Variants in ARK2C observed in about 807,000 individuals in gnomAD.
The protein encoded by ARK2C is arkadia (RNF111) C-terminal like ring finger ubiquitin ligase 2C, also known as E3 ubiquitin-protein ligase ARK2C.
chr18:46,433,336 C>T, the ARK2C span: 1 of 1,612,568 alleles, frequency 6.2e-7, no homozygotes, highest in Non-Finnish European at 8.5e-7. Context: ...CCACATGGCC[C>T]CGGCCCACCA....
At chr18:46,348,725 G>A in the ARK2C span, among the ~76,000 whole-genome samples, 4 of 152,266 alleles carry the variant, frequency 2.6e-5, no homozygotes, top group African/African-American at 9.6e-5. Context: ...CTGCAGAAAG[G>A]TTACATATTC....
chr18:46,411,605 G>A, the ARK2C span, among the ~76,000 whole-genome samples: 1 of 152,214 alleles, frequency 6.6e-6, no homozygotes, highest in Non-Finnish European at 1.5e-5. Flanking sequence ...ATGTGTACTA[G>A]TTTCCTGTCC....
At chr18:46,374,069 T>A in the ARK2C span, among the ~76,000 whole-genome samples, 1 of 152,274 alleles carries the variant, frequency 6.6e-6, no homozygotes. Flanking sequence ...GGGGCATTCT[T>A]GTCATCCCTG....
the ARK2C span, among the ~76,000 whole-genome samples, chr18:46,443,639 G>A: frequency 6.6e-6 from 1 of 152,152 alleles, no homozygotes; most frequent in Admixed American, 6.5e-5. Context: ...TTCACCTATT[G>A]TTTATGGCTG....
At chr18:46,372,699 C>T in the ARK2C span, among the ~76,000 whole-genome samples, 3 of 152,212 alleles carry the variant, frequency 2.0e-5, no homozygotes, top group Admixed American at 6.5e-5. Context: ...TGAGCCTTCT[C>T]GGGCTCTGGC....
chr18:46,422,691 G>C, the ARK2C span, among the ~76,000 whole-genome samples: 42 of 152,322 alleles, frequency 2.8e-4, no homozygotes, highest in Non-Finnish European at 4.9e-4. Flanking sequence ...AAGGAGGGTA[G>C]ATGTTGCAGG....
the ARK2C span, among the ~76,000 whole-genome samples, chr18:46,410,475 C>G: frequency 6.6e-6 from 1 of 152,230 alleles, no homozygotes; most frequent in African/African-American, 2.4e-5. Context: ...GACTGAGGGG[C>G]AAACTCACCA....
the ARK2C span, chr18:46,334,671 C>CGTGTGT: frequency 2.5e-3 from 753 of 304,690 alleles, 4 homozygotes; most frequent in Non-Finnish European, 3.2e-3. This position sits in a 1 kb window ranked among gnomAD's most constrained non-coding sequence, Gnocchi z 4.4. Flanking sequence ...GATACATGAC[C>CGTGTGT]GTGTGTGTGT....
the ARK2C span, among the ~76,000 whole-genome samples, chr18:46,396,383 C>A: frequency 5.3e-5 from 8 of 152,186 alleles, no homozygotes; most frequent in African/African-American, 1.7e-4. Context: ...AGAAGTGAAG[C>A]GTTAGTGGGT....
At chr18:46,398,079 C>T in the ARK2C span, among the ~76,000 whole-genome samples, 5 of 57,692 alleles carry the variant, frequency 8.7e-5, no homozygotes, top group East Asian at 5.7e-4. Flanking sequence ...GTCATGCTGA[C>T]GTGTGAGGGT....
the ARK2C span, among the ~76,000 whole-genome samples, chr18:46,346,836 G>C: frequency 6.6e-6 from 1 of 152,300 alleles, no homozygotes; most frequent in South Asian, 2.1e-4. Flanking sequence ...GGAGTGCAAA[G>C]CAGGCCCTTG....
At chr18:46,341,151 G>C in the ARK2C span, among the ~76,000 whole-genome samples, 1 of 152,088 alleles carries the variant, frequency 6.6e-6, no homozygotes, top group Admixed American at 6.6e-5. Context: ...GAGGTCTGGA[G>C]AATGTGGGAG....
chr18:46,357,709 C>T, the ARK2C span, among the ~76,000 whole-genome samples: 3 of 152,210 alleles, frequency 2.0e-5, no homozygotes, highest in East Asian at 5.8e-4. Flanking sequence ...GTTAGGGAGG[C>T]AGGAATTGCC....
chr18:46,334,301 C>A, the ARK2C span: 12 of 1,583,142 alleles, frequency 7.6e-6, no homozygotes, highest in Admixed American at 1.7e-5. The surrounding 1 kb of genome is among the most constrained non-coding windows in gnomAD (Gnocchi z 4.4). Flanking sequence ...TCGGCTATCT[C>A]GTGCTTCCAG....
chr18:46,427,273 C>A, the ARK2C span, among the ~76,000 whole-genome samples: 7 of 152,228 alleles, frequency 4.6e-5, no homozygotes, highest in Admixed American at 2.0e-4. Context: ...CTGGCTGCCA[C>A]CCCGGAGAGA....
At chr18:46,407,231 C>T in the ARK2C span, among the ~76,000 whole-genome samples, 1 of 152,168 alleles carries the variant, frequency 6.6e-6, no homozygotes, top group African/African-American at 2.4e-5. Flanking sequence ...TTTCACCCCA[C>T]AGAGTGGGAG....
chr18:46,377,523 T>A, the ARK2C span, among the ~76,000 whole-genome samples: 1 of 151,618 alleles, frequency 6.6e-6, no homozygotes, highest in African/African-American at 2.4e-5. Context: ...GAGGAAGCAG[T>A]GTGGGAGATG....
At chr18:46,382,158 A>G in the ARK2C span, among the ~76,000 whole-genome samples, 1 of 152,202 alleles carries the variant, frequency 6.6e-6, no homozygotes, top group African/African-American at 2.4e-5. Context: ...AAGGTCTGGT[A>G]TCTGAACACT....
chr18:46,452,250 T>C, the ARK2C span, among the ~76,000 whole-genome samples: 94 of 152,222 alleles, frequency 6.2e-4, no homozygotes, highest in African/African-American at 1.9e-3. Context: ...GAGTATAGGG[T>C]ATATGGGAAA....
Sources: allele counts gnomAD v4.1 joint callset (sites outside exome capture counted in the v4.1 genomes callset), GRCh38; gene constraint gnomAD v4.1.1; non-coding constraint Gnocchi (gnomAD v3.1); transcripts MANE v1.5; gene names NCBI Gene and HGNC (gene_info 2026-07-23, HGNC 2026-07-21).